EIF2AK4: variants seen among roughly 807,000 people sequenced by gnomAD.
EIF2AK4 encodes eukaryotic translation initiation factor 2 alpha kinase 4, also known as eIF-2-alpha kinase GCN2.
In EIF2AK4, 139 loss-of-function variants were observed where a neutral mutation model predicts 211.1. The observed-to-expected ratio is 0.66, with a 90% CI of 0.57 to 0.76. EIF2AK4 has a LOEUF of 0.76. Among genes scored for constraint, EIF2AK4 ranks in the 30% least tolerant of loss-of-function variants. The probability of loss-of-function intolerance (pLI) is 0.00; values close to 1 mark genes in which losing one functional copy is unlikely to be tolerated. For missense variants in EIF2AK4, 1,664 were observed against 2,043.8 expected (o/e 0.81, Z 3.58); for synonymous variants, 710 against 751.3 (o/e 0.94, Z 0.90).
intron 20 of EIF2AK4, among the ~76,000 whole-genome samples, chr15:40,000,052 A>G (rs1315548751): frequency 1.3e-5 from 2 of 152,210 alleles, no homozygotes; most frequent in Non-Finnish European, 2.9e-5. Context: ...GAAAGGAGGA[A>G]ACTTAGAAGA....
rs1179073687 is a variant in EIF2AK4, at chr15:39,948,829, A to G, written c.361-287A>G. ...AAATATATTTTATTGGATTTACTAT[A>G]GAGAAAATGCCAATAAGTTGAATAG... On this transcript the variant is annotated intron_variant, in intron 3 of 38. Coordinates refer to ENST00000263791, the MANE Select transcript of EIF2AK4 (RefSeq NM_001013703.4). 2.6e-5 allele frequency among the ~76,000 whole-genome samples: 4 copies of G among 152,224 alleles called. No homozygotes were observed. In the East Asian group the frequency reaches 7.7e-4, roughly 29 times the overall value.
At chr15:39,960,163 CAAA>C (rs926246870) in intron 6 of EIF2AK4, among the ~76,000 whole-genome samples, 3 of 46,444 alleles carry the variant, frequency 6.5e-5, no homozygotes, top group Non-Finnish European at 9.2e-5. Flanking sequence ...GACTCCATCT[CAAA>C]AAAAAAAAAA....
intron 5 of EIF2AK4, 124 bp from the exon 6 acceptor site, chr15:39,955,496 T>C: frequency 1.0e-6 from 1 of 975,458 alleles, no homozygotes; most frequent in African/African-American, 1.7e-5. Flanking sequence ...TTAAGTTCAA[T>C]TTTATTTCAC....
At chr15:39,949,801 A>C (rs796662157) in intron 4 of EIF2AK4, among the ~76,000 whole-genome samples, 10 of 152,278 alleles carry the variant, frequency 6.6e-5, no homozygotes, top group African/African-American at 2.2e-4. Flanking sequence ...CTAAATGGTT[A>C]CCATTTGTAT....
At chr15:39,952,950 C>G (rs970121352) in intron 4 of EIF2AK4, among the ~76,000 whole-genome samples, 1 of 152,140 alleles carries the variant, frequency 6.6e-6, no homozygotes, top group African/African-American at 2.4e-5. Context: ...CAGGTTCAAG[C>G]AATTCTCCTG....
chr15:39,955,735 G>A lies in EIF2AK4; in HGVS notation c.710G>A (p.Gly237Asp). 6.2e-7 allele frequency: 1 copy of A among 1,612,104 alleles called. No individual in the cohort carries two copies. Among genetic ancestry groups the A allele is most frequent in the Admixed American group, 1.7e-5 (1 of 59,530 alleles). ...HGGSPDFVGN[G>D]KHRANSSGRS... is the part of the protein sequence containing the mutation. ...GGCTCTCCTGACTTTGTAGGAAATG[G>A]TAAACATCGGGCAAACTCCTCAGGA... The change falls in exon 6 of 39, where the codon GGT becomes GAT. Residue 237 changes from glycine (G) to aspartate (D), a missense_variant. Transcript: ENST00000263791.
intron 6 of EIF2AK4, among the ~76,000 whole-genome samples, chr15:39,959,623 T>C (rs2034439229): frequency 6.6e-6 from 1 of 152,212 alleles, no homozygotes; most frequent in South Asian, 2.1e-4. Context: ...CATTTACACA[T>C]TGTAAACTTA....
At chr15:39,942,652 C>T (rs780936994) in intron 2 of EIF2AK4, among the ~76,000 whole-genome samples, 4 of 152,024 alleles carry the variant, frequency 2.6e-5, no homozygotes, top group African/African-American at 9.7e-5. Flanking sequence ...AAATGAAACC[C>T]GAGGGCTGGT....
rs2034104220 is a variant in EIF2AK4 at position 39,938,846 on chromosome 15, C to G, written c.145-659C>G. On this transcript the variant is annotated intron_variant, in intron 1 of 38. Coordinates refer to ENST00000263791, the MANE Select transcript of EIF2AK4 (RefSeq NM_001013703.4). ...CCATTGTTTTTTCTCTCAGACTCCC[C>G]TTGTTCATTATATACATATAATATG... 4.6e-5 allele frequency among the ~76,000 whole-genome samples: 7 copies of G among 152,198 alleles called. No individual in the cohort carries two copies. In the South Asian group the frequency reaches 1.4e-3, roughly 31 times the overall value.
intron 13 of EIF2AK4, among the ~76,000 whole-genome samples, chr15:39,985,149 T>G (rs2034847239): frequency 6.6e-6 from 1 of 152,212 alleles, no homozygotes; most frequent in Non-Finnish European, 1.5e-5. Flanking sequence ...TGTGATGGAT[T>G]ATGTTTATTC....
At chr15:39,939,923 G>T (rs570035909) in intron 2 of EIF2AK4, among the ~76,000 whole-genome samples, 1 of 152,178 alleles carries the variant, frequency 6.6e-6, no homozygotes, top group African/African-American at 2.4e-5. Flanking sequence ...GGAAAATTTG[G>T]AAGAAAACAA....
chr15:39,993,460 T>C (rs1289410999), intron 18 of EIF2AK4, among the ~76,000 whole-genome samples: 3 of 152,322 alleles, frequency 2.0e-5, no homozygotes, highest in African/African-American at 7.2e-5. Context: ...CTTGAGAGGA[T>C]GGCATTTAGG....
intron 3 of EIF2AK4, among the ~76,000 whole-genome samples, chr15:39,947,995 C>T (rs902555450): frequency 2.6e-5 from 4 of 152,206 alleles, no homozygotes; most frequent in Non-Finnish European, 5.9e-5. Flanking sequence ...CTACTTTCCC[C>T]AGCTTTCATT....
chr15:40,027,015 T>C (rs992441696), intron 33 of EIF2AK4, among the ~76,000 whole-genome samples: 8 of 152,242 alleles, frequency 5.3e-5, no homozygotes, highest in African/African-American at 1.9e-4. Flanking sequence ...CTTTTGTTTA[T>C]GTGAGTTATA....
chr15:39,954,755 C>T lies in EIF2AK4; in HGVS notation c.594+771C>T, dbSNP rs765897575. 4.6e-5 allele frequency among the ~76,000 whole-genome samples: 7 copies of T among 152,198 alleles called. No individual in the cohort carries two copies. The South Asian group carries it at 6.2e-4, about 14-fold the overall frequency. On this transcript the variant is annotated intron_variant, in intron 5 of 38. Transcript: ENST00000263791. ...TAGCTCAAGCAAAAAACCAGTCAGA[C>T]GTGTTTGGAGAAATTCAGAGAAAAT...
intron 35 of EIF2AK4, among the ~76,000 whole-genome samples, chr15:40,031,104 G>C (rs552731446): frequency 1.8e-4 from 27 of 152,282 alleles, no homozygotes; most frequent in Admixed American, 9.2e-4. Flanking sequence ...GCCAAGCGTG[G>C]TGGCAAACGC....
intron 29 of EIF2AK4, among the ~76,000 whole-genome samples, chr15:40,017,812 G>A (rs2035330985): frequency 6.6e-6 from 1 of 151,856 alleles, no homozygotes; most frequent in African/African-American, 2.4e-5. Flanking sequence ...CTCTCAGAGT[G>A]CTGGGATTAT....
chr15:40,005,392 G>A (rs1250911527), intron 23 of EIF2AK4, among the ~76,000 whole-genome samples: 3 of 151,688 alleles, frequency 2.0e-5, no homozygotes, highest in African/African-American at 7.3e-5. Flanking sequence ...GTGTGTACAG[G>A]AGGCTGAGGC....
At chr15:40,013,586 G>C (rs1326752107) in intron 27 of EIF2AK4, among the ~76,000 whole-genome samples, 1 of 152,182 alleles carries the variant, frequency 6.6e-6, no homozygotes, top group African/African-American at 2.4e-5. Context: ...AAGGCAAAGA[G>C]AGAGAACTTG....
Sources: allele counts gnomAD v4.1 joint callset (sites outside exome capture counted in the v4.1 genomes callset), GRCh38; gene constraint gnomAD v4.1.1; transcripts MANE v1.5; gene names NCBI Gene and HGNC (gene_info 2026-07-23, HGNC 2026-07-21).